Variants in YWHAE observed in about 807,000 individuals in gnomAD.
The protein encoded by YWHAE is tyrosine 3-monooxygenase/tryptophan 5-monooxygenase activation protein epsilon.
In YWHAE, 4 loss-of-function variants were observed where a neutral mutation model predicts 30.1. The observed-to-expected ratio is 0.13, with a 90% confidence interval of 0.07 to 0.30. The LOEUF (loss-of-function observed/expected upper bound fraction) is 0.30, where lower values mean the gene tolerates loss of function less well. Ranked by LOEUF, YWHAE falls within the 10% of genes least tolerant of loss-of-function variation. YWHAE has a pLI of 1.00. For synonymous variants in YWHAE, 118 were observed against 111.8 expected (o/e 1.06, Z -0.35); for missense variants, 121 against 315.9 (o/e 0.38, Z 4.68).
At chr17:1,389,051 G>C (rs978260221) in intron 1 of YWHAE, among the ~76,000 whole-genome samples, 1 of 151,578 alleles carries the variant, frequency 6.6e-6, no homozygotes, top group Non-Finnish European at 1.5e-5. Context: ...CTGCAGCCTC[G>C]ACCTCCCGGG....
At chr17:1,368,779 C>T (rs546024958) in intron 1 of YWHAE, among the ~76,000 whole-genome samples, 1 of 152,216 alleles carries the variant, frequency 6.6e-6, no homozygotes, top group African/African-American at 2.4e-5. Context: ...CAGAGGTAAG[C>T]CTGTAATTAA....
chr17:1,367,326 T>C (rs775857940), intron 1 of YWHAE, among the ~76,000 whole-genome samples: 5 of 152,134 alleles, frequency 3.3e-5, no homozygotes, highest in Non-Finnish European at 4.4e-5. Context: ...TAACTGTCCA[T>C]GCACAGTGGC....
chr17:1,354,966 T>G (rs1598228725), intron 4 of YWHAE, among the ~76,000 whole-genome samples: 1 of 13,334 alleles, frequency 7.5e-5, no homozygotes, highest in South Asian at 2.1e-3. Context: ...CCAGCCTAGT[T>G]TTTTTTTTTT....
chr17:1,399,685 G>A (rs1340619252), intron 1 of YWHAE: 5 of 444,470 alleles, frequency 1.1e-5, no homozygotes, highest in South Asian at 2.2e-5. Context: ...ACATCCCAAG[G>A]CCGTCCCAGA....
chr17:1,351,332 A>C (rs1567955028), intron 5 of YWHAE, among the ~76,000 whole-genome samples: 3 of 151,840 alleles, frequency 2.0e-5, no homozygotes, highest in Non-Finnish European at 2.9e-5. Flanking sequence ...CAGCTGAGAG[A>C]GCACCACTGC....
chr17:1,379,442 G>A (rs2073172391), intron 1 of YWHAE, among the ~76,000 whole-genome samples: 1 of 152,144 alleles, frequency 6.6e-6, no homozygotes, highest in Admixed American at 6.6e-5. Context: ...CTGTGATCAC[G>A]CCACTGCACT....
intron 1 of YWHAE, among the ~76,000 whole-genome samples, chr17:1,392,971 GTC>G (rs1598273237): frequency 6.6e-6 from 1 of 151,958 alleles, no homozygotes; most frequent in Admixed American, 6.6e-5. Context: ...GGGAGGCCAA[GTC>G]TGACAGATTG....
rs998119156 is a variant in YWHAE, at chr17:1,359,151, G to GA, written c.578+1940dup. ...GCTCTCCCTCAAAAAAAAGAAAAAA[G>GA]AAAAAAAAAAGGAAAAGAAAAGGCC... On this transcript the variant is annotated intron_variant, in intron 4 of 5. Coordinates refer to ENST00000264335, the MANE Select transcript of YWHAE (RefSeq NM_006761.5). 1.9e-4 allele frequency among the ~76,000 whole-genome samples: 27 copies of GA among 143,492 alleles called. No homozygotes were observed. In the East Asian group the frequency reaches 2.0e-3, roughly 11 times the overall value. 94.1% of individuals were successfully genotyped at this position (143,492 alleles called of 152,430 possible). A position where few individuals can be genotyped will look rare whatever the true frequency, so the allele number is the denominator to read the frequency against.
chr17:1,370,325 G>GA (rs1555642676), intron 1 of YWHAE, among the ~76,000 whole-genome samples: 1 of 151,582 alleles, frequency 6.6e-6, no homozygotes, highest in Non-Finnish European at 1.5e-5. Flanking sequence ...TAGAGGCGGG[G>GA]TTTCACCATG....
chr17:1,350,710 G>A (rs1723946943), intron 5 of YWHAE, among the ~76,000 whole-genome samples: 2 of 151,520 alleles, frequency 1.3e-5, no homozygotes, highest in Admixed American at 6.6e-5. Flanking sequence ...CCAAACTGCT[G>A]GGATTACAGG....
chr17:1,345,630 G>GA, intron 5 of YWHAE, 131 bp from the exon 6 acceptor site: 1 of 891,042 alleles, frequency 1.1e-6, no homozygotes, highest in Non-Finnish European at 1.8e-6. Flanking sequence ...GCAGGCAAAG[G>GA]ACTTCTATCA....
intron 1 of YWHAE, among the ~76,000 whole-genome samples, chr17:1,370,398 T>G (rs1253718714): frequency 6.6e-6 from 1 of 151,970 alleles, no homozygotes; most frequent in Non-Finnish European, 1.5e-5. Context: ...CCCAAAGTGC[T>G]GGGATTACAG....
At chr17:1,360,796 A>G (rs2072852441) in intron 4 of YWHAE, among the ~76,000 whole-genome samples, 1 of 152,092 alleles carries the variant, frequency 6.6e-6, no homozygotes, top group African/African-American at 2.4e-5. Flanking sequence ...AACTAATATA[A>G]CAAAAATTAA....
At chr17:1,365,716 G>A (rs771241641) in intron 1 of YWHAE, among the ~76,000 whole-genome samples, 1 of 152,152 alleles carries the variant, frequency 6.6e-6, no homozygotes, top group Non-Finnish European at 1.5e-5. Flanking sequence ...ACAAGAAATA[G>A]TAACTGAATA....
At chr17:1,350,640 C>T (rs575859471) in intron 5 of YWHAE, among the ~76,000 whole-genome samples, 1 of 151,708 alleles carries the variant, frequency 6.6e-6, no homozygotes, top group African/African-American at 2.4e-5. Context: ...CGGGGTTTCT[C>T]CATGTTGGTC....
chr17:1,385,492 T>C (rs1359903252), intron 1 of YWHAE, among the ~76,000 whole-genome samples: 2 of 152,132 alleles, frequency 1.3e-5, no homozygotes, highest in Non-Finnish European at 2.9e-5. Context: ...GTCCCAAATA[T>C]CAGTGGTCCC....
intron 1 of YWHAE, among the ~76,000 whole-genome samples, chr17:1,383,510 C>G (rs997040811): frequency 6.6e-6 from 1 of 151,254 alleles, no homozygotes; most frequent in Non-Finnish European, 1.5e-5. Flanking sequence ...GTCTCAGCCC[C>G]TACCAGAAGA....
chr17:1,378,949 CAA>C (rs71373922), intron 1 of YWHAE, among the ~76,000 whole-genome samples: 27 of 94,982 alleles, frequency 2.8e-4, no homozygotes, highest in Admixed American at 4.6e-4. Context: ...AACTCTGTCT[CAA>C]AAAAAAAAAA....
intron 1 of YWHAE, among the ~76,000 whole-genome samples, chr17:1,387,854 G>A (rs9911121): frequency 0.48 from 71,727 of 149,964 alleles, 18,539 homozygotes; most frequent in African/African-American, 0.67. Context: ...CTGAACTCCT[G>A]ACCTCAGGTG....
Sources: allele counts gnomAD v4.1 joint callset (sites outside exome capture counted in the v4.1 genomes callset), GRCh38; gene constraint gnomAD v4.1.1; transcripts MANE v1.5; gene names NCBI Gene and HGNC (gene_info 2026-07-23, HGNC 2026-07-21).